Variants in PAPSS1 observed in about 807,000 individuals in gnomAD.
The protein encoded by PAPSS1 is bifunctional 3'-phosphoadenosine 5'-phosphosulfate synthase 1.
PAPSS1 carries 50 observed loss-of-function variants against 72.0 expected under a neutral mutation model. The ratio of observed to expected loss-of-function variants is 0.69; its 90% CI spans 0.55 to 0.88. PAPSS1 has a LOEUF of 0.88. Ranked by LOEUF, PAPSS1 falls within the 40% of genes least tolerant of loss-of-function variation. The pLI is 0.00. For missense variants in PAPSS1, 657 were observed against 782.2 expected (o/e 0.84, Z 1.91); for synonymous variants, 261 against 263.6 (o/e 0.99, Z 0.09).
At chr4:107,708,408 C>T (rs1204395499) in intron 1 of PAPSS1, among the ~76,000 whole-genome samples, 1 of 152,196 alleles carries the variant, frequency 6.6e-6, no homozygotes, top group Non-Finnish European at 1.5e-5. Context: ...GGGTGCTATA[C>T]ACATTTTGCT....
intron 10 of PAPSS1, among the ~76,000 whole-genome samples, chr4:107,642,830 C>T (rs1726584224): frequency 6.6e-6 from 1 of 152,174 alleles, no homozygotes; most frequent in Non-Finnish European, 1.5e-5. Context: ...AGGCAATACA[C>T]TGCTGATGGG....
intron 10 of PAPSS1, among the ~76,000 whole-genome samples, chr4:107,633,086 G>GA (rs1372127984): frequency 6.6e-6 from 1 of 152,164 alleles, no homozygotes; most frequent in African/African-American, 2.4e-5. Flanking sequence ...TTTTCAAACA[G>GA]CATGCTTACA....
At chr4:107,716,984 T>C (rs1723654845) in intron 1 of PAPSS1, among the ~76,000 whole-genome samples, 1 of 152,186 alleles carries the variant, frequency 6.6e-6, no homozygotes, top group African/African-American at 2.4e-5. Context: ...AAACCTTTAC[T>C]TCCAACCTCA....
At position 107,631,388 on chromosome 4, in the gene PAPSS1, G is replaced by A. The variant is rs1726221471; in HGVS notation, c.1736+243C>T. On this transcript the variant is annotated intron_variant, in intron 11 of 11. Transcript: ENST00000265174. Reference sequence around the variant, plus strand: ...AGCTATAGCAGACACAGTAGGCAGAGAAATAACAATATTGTCCTTACAGAC... The same window carrying A: ...AGCTATAGCAGACACAGTAGGCAGAAAAATAACAATATTGTCCTTACAGAC... Among the ~76,000 whole-genome samples, 3 of 152,214 alleles carry A rather than the reference G, an allele frequency of 2.0e-5. No homozygotes were observed. In the South Asian group the frequency reaches 6.2e-4, roughly 31 times the overall value.
chr4:107,699,084 A>G (rs1463295966), intron 2 of PAPSS1, among the ~76,000 whole-genome samples: 1 of 152,220 alleles, frequency 6.6e-6, no homozygotes, highest in Non-Finnish European at 1.5e-5. Flanking sequence ...AGCTTTATTT[A>G]TAAGTATCAT....
intron 11 of PAPSS1, among the ~76,000 whole-genome samples, chr4:107,622,001 C>T (rs1271724696): frequency 1.3e-5 from 2 of 152,086 alleles, no homozygotes; most frequent in African/African-American, 2.4e-5. Flanking sequence ...ATCAAGGGCA[C>T]TTGTATGGGG....
At chr4:107,709,725 T>C (rs891507303) in intron 1 of PAPSS1, among the ~76,000 whole-genome samples, 2 of 152,176 alleles carry the variant, frequency 1.3e-5, no homozygotes, top group African/African-American at 4.8e-5. Flanking sequence ...AGAAGTGTAC[T>C]TAACACACTA....
intron 6 of PAPSS1, among the ~76,000 whole-genome samples, chr4:107,659,264 A>G (rs1727101899): frequency 6.6e-6 from 1 of 152,196 alleles, no homozygotes; most frequent in Admixed American, 6.5e-5. Context: ...TCTTTCATCA[A>G]GCCTAGAAGT....
intron 10 of PAPSS1, among the ~76,000 whole-genome samples, chr4:107,640,708 C>A (rs1195876636): frequency 1.3e-5 from 2 of 152,198 alleles, no homozygotes; most frequent in African/African-American, 4.8e-5. Flanking sequence ...CATTAAAACA[C>A]TTCATGGTCT....
At chr4:107,653,732 A>G (rs1282153486) in intron 8 of PAPSS1, 106 bp from the exon 9 acceptor site, 1 of 763,582 alleles carries the variant, frequency 1.3e-6, no homozygotes, top group African/African-American at 1.8e-5. Context: ...TCTCATCTTA[A>G]ATGAGGTAAA....
chr4:107,646,653 A>G (rs2080274088), intron 9 of PAPSS1, among the ~76,000 whole-genome samples: 1 of 152,152 alleles, frequency 6.6e-6, no homozygotes, highest in African/African-American at 2.4e-5. Context: ...TGGTGAATAA[A>G]GCCACACTAT....
intron 5 of PAPSS1, among the ~76,000 whole-genome samples, chr4:107,661,995 T>C (rs1185297284): frequency 6.6e-6 from 1 of 152,174 alleles, no homozygotes; most frequent in Non-Finnish European, 1.5e-5. Context: ...AATGGCTAAA[T>C]ATGTGCCAAA....
chr4:107,666,489 T>C (rs1413235752), intron 5 of PAPSS1, among the ~76,000 whole-genome samples: 3 of 152,200 alleles, frequency 2.0e-5, no homozygotes, highest in Admixed American at 6.5e-5. Flanking sequence ...GAATGACCAC[T>C]TTATCTATCC....
At chr4:107,631,189 C>T (rs1726217316) in intron 11 of PAPSS1, among the ~76,000 whole-genome samples, 1 of 152,168 alleles carries the variant, frequency 6.6e-6, no homozygotes, top group Non-Finnish European at 1.5e-5. Flanking sequence ...TGGCCCCAAG[C>T]ATTTCATACA....
chr4:107,626,051 G>A (rs189784577), intron 11 of PAPSS1, among the ~76,000 whole-genome samples: 13 of 151,930 alleles, frequency 8.6e-5, no homozygotes, highest in Admixed American at 6.6e-4. Flanking sequence ...GGTGGCAGGC[G>A]CTGGGAGTCC....
Position 107,638,692 on chromosome 4 carries a change from A to G in PAPSS1, c.1506+6110T>C, listed in dbSNP as rs953639257. ...TATTCTAAGAAAACAGAGGAAGGCA[A>G]CCATGGTGATAAAGCACTGGAAAGT... On this transcript the variant is annotated intron_variant, in intron 10 of 11. Transcript: ENST00000265174. Among the ~76,000 whole-genome samples, 3 of 152,188 alleles carry G rather than the reference A, an allele frequency of 2.0e-5. 1 individual carries two copies. Among genetic ancestry groups the G allele is most frequent in the Non-Finnish European group, 4.4e-5 (3 of 68,032 alleles).
chr4:107,630,678 T>C (rs111956006), intron 11 of PAPSS1, among the ~76,000 whole-genome samples: 210 of 152,300 alleles, frequency 1.4e-3, no homozygotes, highest in African/African-American at 4.8e-3. Flanking sequence ...CTTCCTAAGA[T>C]CTTTGAAGAC....
intron 5 of PAPSS1, among the ~76,000 whole-genome samples, chr4:107,681,683 A>G (rs1722618906): frequency 6.6e-6 from 1 of 152,182 alleles, no homozygotes; most frequent in African/African-American, 2.4e-5. Context: ...TCAAATGGAA[A>G]AATATAATAC....
chr4:107,632,931 C>G (rs961698560), intron 10 of PAPSS1, among the ~76,000 whole-genome samples: 1 of 152,198 alleles, frequency 6.6e-6, no homozygotes, highest in Non-Finnish European at 1.5e-5. Context: ...TCCTGGTAAT[C>G]TCCTGCATAC....
Sources: gnomAD v4.1 joint callset for allele counts (sites outside exome capture counted in the v4.1 genomes callset) on GRCh38, gnomAD v4.1.1 for gene constraint, MANE v1.5 for transcripts, NCBI Gene and HGNC (gene_info 2026-07-23, HGNC 2026-07-21) for gene names.